CCSER1: variants seen among roughly 807,000 people sequenced by gnomAD.
CCSER1 encodes coiled-coil serine rich protein 1.
In CCSER1, 41 loss-of-function variants were observed where a neutral mutation model predicts 82.0. The observed-to-expected ratio is 0.50, with a 90% confidence interval of 0.39 to 0.65. The LOEUF (loss-of-function observed/expected upper bound fraction) is 0.65, where lower values mean the gene tolerates loss of function less well. CCSER1 is among the 30% of genes least tolerant of loss of function. The pLI, the probability that CCSER1 is intolerant of heterozygous loss-of-function variation, is 0.00. For missense variants in CCSER1, 1,119 were observed against 1,064.2 expected, an observed-to-expected ratio of 1.05 and a Z score of -0.72; for synonymous variants, 414 against 383.9, an observed-to-expected ratio of 1.08 and a Z score of -0.92.
chr4:91,114,112 G>A (rs943622307), intron 10 of CCSER1, among the ~76,000 whole-genome samples: 6 of 152,076 alleles, frequency 3.9e-5, no homozygotes, highest in Admixed American at 6.6e-5. Context: ...TCGGCCTCCC[G>A]AAGTGCTGGG....
chr4:91,159,657 G>A (rs1353346922), intron 10 of CCSER1, among the ~76,000 whole-genome samples: 1 of 151,808 alleles, frequency 6.6e-6, no homozygotes, highest in Non-Finnish European at 1.5e-5. Context: ...TAGTTTGTCA[G>A]AAAGAATGTG....
intron 3 of CCSER1, among the ~76,000 whole-genome samples, chr4:90,332,662 CTTCT>C (rs1017866833): frequency 3.9e-5 from 6 of 152,064 alleles, no homozygotes; most frequent in African/African-American, 1.4e-4. Flanking sequence ...TTTCTCTCTC[CTTCT>C]GTCTCTGTGA....
intron 8 of CCSER1, among the ~76,000 whole-genome samples, chr4:90,897,179 A>C (rs1723838399): frequency 6.6e-6 from 1 of 152,004 alleles, no homozygotes; most frequent in African/African-American, 2.4e-5. Context: ...CAGGTTTGTT[A>C]CATGGGTATA....
chr4:91,255,269 T>C (rs555832937), intron 10 of CCSER1, among the ~76,000 whole-genome samples: 19 of 152,266 alleles, frequency 1.2e-4, no homozygotes, highest in Admixed American at 7.9e-4. Context: ...AAAAAGAATA[T>C]AATAAAAATA....
At chr4:91,444,442 A>T (rs1399290636) in intron 10 of CCSER1, among the ~76,000 whole-genome samples, 1 of 121,690 alleles carries the variant, frequency 8.2e-6, no homozygotes, top group Non-Finnish European at 1.7e-5. Flanking sequence ...TTTTTTTTAA[A>T]GTGCCAATTC....
intron 10 of CCSER1, among the ~76,000 whole-genome samples, chr4:91,424,308 C>G (rs1019822486): frequency 6.6e-6 from 1 of 151,980 alleles, no homozygotes; most frequent in African/African-American, 2.4e-5. Context: ...TGAGCCACCG[C>G]GCCCGGCCAA....
intron 10 of CCSER1, among the ~76,000 whole-genome samples, chr4:91,156,848 T>G (rs1166274570): frequency 1.3e-5 from 2 of 151,986 alleles, no homozygotes; most frequent in Non-Finnish European, 2.9e-5. Flanking sequence ...TTTGGGTTAT[T>G]ATTCCTTTTC....
chr4:91,393,188 T>C (rs969433085), intron 10 of CCSER1, among the ~76,000 whole-genome samples: 6 of 152,096 alleles, frequency 3.9e-5, no homozygotes, highest in Admixed American at 1.3e-4. Context: ...ATATTATTGG[T>C]ATTATAAATA....
intron 9 of CCSER1, among the ~76,000 whole-genome samples, chr4:90,994,965 G>T (rs551158533): frequency 1.3e-5 from 2 of 152,216 alleles, no homozygotes; most frequent in South Asian, 2.1e-4. Flanking sequence ...AATGCTTACC[G>T]CTTGCCAACA....
intron 10 of CCSER1, among the ~76,000 whole-genome samples, chr4:91,470,815 A>G (rs1463076954): frequency 6.6e-6 from 1 of 152,176 alleles, no homozygotes; most frequent in African/African-American, 2.4e-5. Flanking sequence ...TCCATATTCA[A>G]ATAAGAACGT....
At position 90,932,980 on chromosome 4, in the gene CCSER1, A is replaced by AG. The variant is rs1561385048; in HGVS notation, c.2172+9533_2172+9534insG. 1.4e-4 allele frequency among the ~76,000 whole-genome samples: 3 copies of AG among 21,940 alleles called. 1 individual carries two copies. The highest frequency in any genetic ancestry group is 2.5e-4 in the Non-Finnish European group (3 of 11,786). The allele number at this position is 21,940 out of a possible 152,430, so 14.4% of individuals were successfully genotyped here. A position where few individuals can be genotyped will look rare whatever the true frequency, so the allele number is the denominator to read the frequency against. On this transcript the variant is annotated intron_variant, in intron 9 of 10. Transcript: ENST00000509176. ...AAAGAAAGAAAGAAAGAAAGAAAGA[A>AG]AGAGAAAGAAAGAAAGAAAGAAAGA...
chr4:91,105,120 C>G (rs1408817938), intron 10 of CCSER1, among the ~76,000 whole-genome samples: 1 of 151,504 alleles, frequency 6.6e-6, no homozygotes, highest in Non-Finnish European at 1.5e-5. Context: ...GAGTTTAGCT[C>G]CCACTTATAT....
At chr4:90,246,662 A>G (rs1041435746) in intron 1 of CCSER1, among the ~76,000 whole-genome samples, 3 of 152,182 alleles carry the variant, frequency 2.0e-5, no homozygotes, top group Non-Finnish European at 4.4e-5. Context: ...CCCTGCTTTC[A>G]TAAAGCATAC....
At chr4:90,721,021 A>G (rs1193901786) in intron 6 of CCSER1, among the ~76,000 whole-genome samples, 1 of 151,946 alleles carries the variant, frequency 6.6e-6, no homozygotes, top group Non-Finnish European at 1.5e-5. Context: ...AGTAGAAAGG[A>G]TTCTAGAGAG....
At chr4:90,347,311 C>CTCTATCTATCTATCTATCTATCTA (rs35636292) in intron 3 of CCSER1, among the ~76,000 whole-genome samples, 14 of 148,600 alleles carry the variant, frequency 9.4e-5, no homozygotes, top group South Asian at 2.2e-4. Flanking sequence ...TTAACATAAG[C>CTCTATCTATCTATCTATCTATCTA]TCTATCTATC....
intron 7 of CCSER1, among the ~76,000 whole-genome samples, chr4:90,755,589 G>A (rs1449758657): frequency 1.3e-5 from 2 of 152,070 alleles, no homozygotes; most frequent in Non-Finnish European, 2.9e-5. Flanking sequence ...AAAAATGAAC[G>A]TATTCTGCTT....
intron 10 of CCSER1, among the ~76,000 whole-genome samples, chr4:91,484,751 T>G (rs1398592103): frequency 6.6e-6 from 1 of 152,080 alleles, no homozygotes; most frequent in South Asian, 2.1e-4. Context: ...TACAAATCTA[T>G]TAAAAATAAA....
intron 10 of CCSER1, among the ~76,000 whole-genome samples, chr4:91,481,897 G>C (rs910467834): frequency 6.6e-6 from 1 of 151,906 alleles, no homozygotes; most frequent in South Asian, 2.1e-4. Flanking sequence ...CTAATATCTA[G>C]AATTTACAAA....
At chr4:90,780,369 C>A in intron 7 of CCSER1, 1 of 1,456,250 alleles carries the variant, frequency 6.9e-7, no homozygotes, top group Non-Finnish European at 9.4e-7. Flanking sequence ...ATTGATGATC[C>A]CCAAAATAAT....
Sources: allele counts gnomAD v4.1 joint callset (sites outside exome capture counted in the v4.1 genomes callset), GRCh38; gene constraint gnomAD v4.1.1; transcripts MANE v1.5; gene names NCBI Gene and HGNC (gene_info 2026-07-23, HGNC 2026-07-21).